Variants in IL20RB observed in about 807,000 individuals in gnomAD.
IL20RB encodes interleukin 20 receptor subunit beta.
A neutral mutation model predicts 33.3 loss-of-function variants in IL20RB; 21 were observed. The observed-to-expected ratio is 0.63, with a 90% CI of 0.45 to 0.91. The LOEUF is 0.91. Among genes scored for constraint, IL20RB ranks in the 40% least tolerant of loss-of-function variants. IL20RB has a pLI of 0.00. For missense variants in IL20RB, 345 were observed against 384.8 expected, an observed-to-expected ratio of 0.90 and a Z score of 0.86; for synonymous variants, 147 against 146.8, an observed-to-expected ratio of 1.00 and a Z score of -0.01.
chr3:136,983,111 G>A (rs572417196), intron 3 of IL20RB, among the ~76,000 whole-genome samples: 2 of 151,116 alleles, frequency 1.3e-5, no homozygotes, highest in African/African-American at 4.9e-5. Flanking sequence ...TTTTTGATAC[G>A]GAGTCTCACT....
intron 6 of IL20RB, 93 bp from the exon 7 acceptor site, chr3:137,010,020 T>C: frequency 1.4e-6 from 1 of 697,282 alleles, no homozygotes. Context: ...TGCTTGGAAA[T>C]TAATTAATCA....
chr3:136,980,395 A>T, intron 1 of IL20RB, 71 bp from the exon 2 acceptor site: 1 of 1,597,960 alleles, frequency 6.3e-7, no homozygotes, highest in South Asian at 1.1e-5. Context: ...TTCATTAGAC[A>T]CTAATTTGAA....
At chr3:136,999,917 C>T (rs1490084152) in intron 6 of IL20RB, among the ~76,000 whole-genome samples, 1 of 152,088 alleles carries the variant, frequency 6.6e-6, no homozygotes, top group African/African-American at 2.4e-5. Context: ...TGTCTTTGAG[C>T]ATCATTATAA....
intron 1 of IL20RB, among the ~76,000 whole-genome samples, chr3:136,958,659 G>C (rs1045192209): frequency 6.6e-6 from 1 of 152,134 alleles, no homozygotes; most frequent in African/African-American, 2.4e-5. Flanking sequence ...TTTCTCTACT[G>C]GTCATTGAAG....
intron 3 of IL20RB, 23 bp downstream of exon 3, chr3:136,982,373 C>T (rs200834567): frequency 4.7e-5 from 71 of 1,511,284 alleles, no homozygotes; most frequent in Non-Finnish European, 6.0e-5. Context: ...TCTCCTTACA[C>T]TCCCACCCCA....
intron 1 of IL20RB, among the ~76,000 whole-genome samples, chr3:136,979,384 G>A (rs1941712303): frequency 6.6e-6 from 1 of 152,236 alleles, no homozygotes; most frequent in African/African-American, 2.4e-5. Context: ...GATAGGCACA[G>A]AGATGAAAAG....
At chr3:136,960,243 G>A (rs1411609157) in intron 1 of IL20RB, among the ~76,000 whole-genome samples, 2 of 142,386 alleles carry the variant, frequency 1.4e-5, no homozygotes, top group African/African-American at 5.2e-5. Context: ...CACCACCCAG[G>A]TTCAAGCGAT....
intron 3 of IL20RB, among the ~76,000 whole-genome samples, chr3:136,984,766 G>A (rs1399449808): frequency 6.6e-6 from 1 of 152,076 alleles, no homozygotes; most frequent in Admixed American, 6.5e-5. Flanking sequence ...GGACTGGAAT[G>A]GAATGGAATG....
chr3:136,998,129 C>CTT (rs35491086), intron 6 of IL20RB, among the ~76,000 whole-genome samples: 5 of 119,424 alleles, frequency 4.2e-5, no homozygotes, highest in Admixed American at 8.5e-5. Context: ...ATTTTCTTTT[C>CTT]TTTTTTTTTT....
At chr3:136,982,421 TTCTAGAC>T (rs1421770386) in intron 3 of IL20RB, 71 bp downstream of exon 3, 4 of 1,128,666 alleles carry the variant, frequency 3.5e-6, no homozygotes, top group Non-Finnish European at 5.1e-6. Context: ...CACCTAAACT[TTCTAGAC>T]TCTTTTTAGC....
intron 5 of IL20RB, among the ~76,000 whole-genome samples, chr3:136,993,584 T>C (rs948709026): frequency 4.2e-5 from 6 of 142,710 alleles, no homozygotes; most frequent in Non-Finnish European, 9.2e-5. Context: ...CCCCACCCCA[T>C]GACCGGCCCC....
At chr3:136,999,907 T>C (rs1233503643) in intron 6 of IL20RB, among the ~76,000 whole-genome samples, 1 of 152,234 alleles carries the variant, frequency 6.6e-6, no homozygotes, top group African/African-American at 2.4e-5. Flanking sequence ...TATTTTCTTC[T>C]GTCTTTGAGC....
intron 6 of IL20RB, among the ~76,000 whole-genome samples, chr3:137,008,410 G>T (rs1283592546): frequency 1.3e-5 from 2 of 152,234 alleles, no homozygotes; most frequent in African/African-American, 4.8e-5. Context: ...GTGTGAGCCA[G>T]TGCTGCCAGA....
intron 1 of IL20RB, among the ~76,000 whole-genome samples, chr3:136,977,011 C>T (rs551823331): frequency 6.6e-6 from 1 of 152,330 alleles, no homozygotes; most frequent in East Asian, 1.9e-4. Flanking sequence ...TCACTCTTGG[C>T]TGCCAGCTGA....
intron 6 of IL20RB, 31 bp from the exon 7 acceptor site, chr3:137,010,082 C>T: frequency 1.0e-6 from 1 of 982,074 alleles, no homozygotes; most frequent in Non-Finnish European, 1.7e-6. Flanking sequence ...CTGCTATCCT[C>T]TAATGAATAT....
chr3:136,979,942 T>C (rs1049685910), intron 1 of IL20RB, among the ~76,000 whole-genome samples: 7 of 152,228 alleles, frequency 4.6e-5, no homozygotes, highest in Non-Finnish European at 7.3e-5. Flanking sequence ...CTCACGTTTA[T>C]GCAACTTGCT....
intron 6 of IL20RB, among the ~76,000 whole-genome samples, chr3:136,997,424 G>A (rs902851057): frequency 6.6e-6 from 1 of 152,018 alleles, no homozygotes; most frequent in Non-Finnish European, 1.5e-5. Context: ...TTTCCTTAAT[G>A]TATTTCGAGG....
intron 3 of IL20RB, 147 bp from the exon 4 acceptor site, chr3:136,989,294 C>A: frequency 1.2e-6 from 1 of 825,772 alleles, no homozygotes; most frequent in East Asian, 2.6e-5. Flanking sequence ...TATTTGTGTA[C>A]ATGTTTCCAT....
chr3:136,976,072 G>A (rs966547999), intron 1 of IL20RB, among the ~76,000 whole-genome samples: 20 of 152,234 alleles, frequency 1.3e-4, no homozygotes, highest in African/African-American at 4.6e-4. Context: ...AGGACTGCAG[G>A]TGGTACTTGC....
Sources: gnomAD v4.1 joint callset for allele counts (sites outside exome capture counted in the v4.1 genomes callset) on GRCh38, gnomAD v4.1.1 for gene constraint, MANE v1.5 for transcripts, NCBI Gene and HGNC (gene_info 2026-07-23, HGNC 2026-07-21) for gene names.